Variants in GPR158 observed in about 807,000 individuals in gnomAD.
The protein encoded by GPR158 is G protein-coupled receptor 158, also known as metabotropic glycine receptor.
GPR158 carries 30 observed loss-of-function variants against 78.2 expected under a neutral mutation model. The observed-to-expected ratio is 0.38, with a 90% CI of 0.29 to 0.52. GPR158 has a LOEUF of 0.52. Among genes scored for constraint, GPR158 ranks in the 20% least tolerant of loss-of-function variants. The pLI is 0.83. For synonymous variants in GPR158, 581 were observed against 591.1 expected, an observed-to-expected ratio of 0.98 and a Z score of 0.25; for missense variants, 1,463 against 1,523.5, an observed-to-expected ratio of 0.96 and a Z score of 0.66.
At chr10:25,405,414 T>G (rs1315989349) in intron 3 of GPR158, among the ~76,000 whole-genome samples, 2 of 151,676 alleles carry the variant, frequency 1.3e-5, no homozygotes, top group Non-Finnish European at 2.9e-5. Flanking sequence ...CCCAACTGTT[T>G]AGAATGTTTC....
chr10:25,424,917 G>C (rs887968232), intron 4 of GPR158, among the ~76,000 whole-genome samples: 3 of 152,140 alleles, frequency 2.0e-5, no homozygotes, highest in African/African-American at 4.8e-5. Context: ...CCAATTCTGT[G>C]AAGAAAGTCT....
intron 4 of GPR158, among the ~76,000 whole-genome samples, chr10:25,454,343 GA>G (rs1291463976): frequency 3.3e-5 from 3 of 90,344 alleles, no homozygotes; most frequent in Admixed American, 3.3e-4. Flanking sequence ...ACCCGGAGGA[GA>G]AATGATTAAA....
chr10:25,480,410 T>G (rs1835650282), intron 5 of GPR158, among the ~76,000 whole-genome samples: 2 of 152,252 alleles, frequency 1.3e-5, no homozygotes, highest in Non-Finnish European at 2.9e-5. Context: ...TTCACAGTGT[T>G]GTGCAGCCAT....
chr10:25,313,539 T>C (rs113252826), intron 2 of GPR158, among the ~76,000 whole-genome samples: 93 of 152,258 alleles, frequency 6.1e-4, no homozygotes, highest in African/African-American at 2.1e-3. Flanking sequence ...TGAGGGCTTT[T>C]AAGTCAGAAA....
chr10:25,291,178 A>G (rs1854431059), intron 2 of GPR158, among the ~76,000 whole-genome samples: 2 of 152,204 alleles, frequency 1.3e-5, no homozygotes, highest in African/African-American at 4.8e-5. Context: ...AATAAAACAA[A>G]GTAACATTAA....
chr10:25,243,867 A>G (rs1853656722), intron 2 of GPR158, among the ~76,000 whole-genome samples: 1 of 152,152 alleles, frequency 6.6e-6, no homozygotes, highest in East Asian at 1.9e-4. Flanking sequence ...AGTTTCCTTT[A>G]TGTGTCCTTT....
chr10:25,390,964 G>A (rs958271566), intron 2 of GPR158, among the ~76,000 whole-genome samples: 4 of 152,134 alleles, frequency 2.6e-5, no homozygotes, highest in Non-Finnish European at 4.4e-5. Flanking sequence ...AGGACTTGGT[G>A]CCCCGTGTGT....
intron 4 of GPR158, among the ~76,000 whole-genome samples, chr10:25,426,456 T>G (rs913695711): frequency 6.6e-6 from 1 of 152,126 alleles, no homozygotes; most frequent in African/African-American, 2.4e-5. Context: ...AGCTTTTGAT[T>G]TGAAGTAAGA....
chr10:25,405,464 G>T, intron 3 of GPR158, among the ~76,000 whole-genome samples: 1 of 116,680 alleles, frequency 8.6e-6, no homozygotes, highest in African/African-American at 3.2e-5. Flanking sequence ...ATTATTAGTT[G>T]AATTTGGCAA....
chr10:25,576,421 C>T (rs1273776742), intron 7 of GPR158, among the ~76,000 whole-genome samples: 3 of 152,180 alleles, frequency 2.0e-5, no homozygotes, highest in Non-Finnish European at 2.9e-5. Context: ...CTTTACTCCT[C>T]CTAAATTCTG....
intron 2 of GPR158, among the ~76,000 whole-genome samples, chr10:25,392,134 C>G (rs1834307859): frequency 6.6e-6 from 1 of 152,184 alleles, no homozygotes; most frequent in African/African-American, 2.4e-5. Context: ...GTAAATTACC[C>G]AGTCTTGGGT....
At chr10:25,413,779 A>G (rs1834625047) in intron 4 of GPR158, among the ~76,000 whole-genome samples, 2 of 152,234 alleles carry the variant, frequency 1.3e-5, no homozygotes, top group Non-Finnish European at 2.9e-5. Context: ...TTTGATAGTC[A>G]TTTAAAATGG....
intron 2 of GPR158, among the ~76,000 whole-genome samples, chr10:25,283,379 C>G (rs1446992731): frequency 2.0e-5 from 3 of 151,956 alleles, no homozygotes; most frequent in African/African-American, 7.2e-5. Context: ...CATGTCTTCT[C>G]TCTTTTAGTC....
At chr10:25,491,234 C>A (rs1835805033) in intron 5 of GPR158, among the ~76,000 whole-genome samples, 1 of 152,118 alleles carries the variant, frequency 6.6e-6, no homozygotes, top group Non-Finnish European at 1.5e-5. Flanking sequence ...TTTACATTTC[C>A]CAGCCTCACA....
rs536370070 is a variant in GPR158, at chr10:25,384,117, T to A, written c.1009-11794T>A. On this transcript the variant is annotated intron_variant, in intron 2 of 10. Coordinates refer to ENST00000376351, the MANE Select transcript of GPR158 (RefSeq NM_020752.3). ...TATTTATTATCTCATATACCCTGCA[T>A]GCTTTGCGATCTAGTTTCCAGATAT... is the stretch of plus-strand genomic sequence containing the variant. 9.8e-5 allele frequency among the ~76,000 whole-genome samples: 15 copies of A among 152,346 alleles called. No homozygotes were observed. The South Asian group carries it at 2.7e-3, about 27-fold the overall frequency.
intron 2 of GPR158, among the ~76,000 whole-genome samples, chr10:25,287,289 G>T (rs180772038): frequency 2.0e-5 from 3 of 152,080 alleles, no homozygotes; most frequent in African/African-American, 4.8e-5. Context: ...TGCCCTAAGG[G>T]TGCACATCTT....
chr10:25,534,886 CAGCAGTTCTT>C (rs11279888), intron 5 of GPR158, among the ~76,000 whole-genome samples: 64,511 of 151,750 alleles, frequency 0.43, 13,787 homozygotes, highest in East Asian at 0.56. Context: ...AGTCACTTCT[CAGCAGTTCTT>C]AGTCATGAGC....
Position 25,175,177 on chromosome 10 carries a change from C to T in GPR158, c.-244C>T, listed in dbSNP as rs1852505573. ...CTCCAGGCTGCGAGGTGCGTAATCC[C>T]CAGCCGGCCCCTCGCGCAGCGGGCA... On this transcript the variant is annotated 5_prime_UTR_variant, in exon 1 of 11. Coordinates refer to ENST00000376351, the MANE Select transcript of GPR158 (RefSeq NM_020752.3). The surrounding 1 kb of genome is among the most constrained non-coding windows in gnomAD (Gnocchi z 6.4). 6.6e-6 allele frequency: 3 copies of T among 453,852 alleles called. No homozygotes were observed. Among genetic ancestry groups the T allele is most frequent in the African/African-American group, 2.0e-5 (1 of 50,064 alleles). 28.1% of individuals were successfully genotyped at this position (453,852 alleles called of 1,614,324 possible).
chr10:25,218,018 C>T (rs765762219), intron 1 of GPR158, among the ~76,000 whole-genome samples: 1 of 152,138 alleles, frequency 6.6e-6, no homozygotes, highest in Non-Finnish European at 1.5e-5. Flanking sequence ...ATGGGGCTCT[C>T]ACCTTGCCTG....
Sources: gnomAD v4.1 joint callset for allele counts (sites outside exome capture counted in the v4.1 genomes callset) on GRCh38, gnomAD v4.1.1 for gene constraint, Gnocchi (gnomAD v3.1) non-coding constraint, MANE v1.5 for transcripts, NCBI Gene and HGNC (gene_info 2026-07-23, HGNC 2026-07-21) for gene names.